The following BAZ1B variants were observed in gnomAD, a reference collection of about 807,000 sequenced individuals.
The protein encoded by BAZ1B is bromodomain adjacent to zinc finger domain 1B.
BAZ1B carries 22 observed loss-of-function variants against 153.8 expected under a neutral mutation model. That is an observed-to-expected ratio of 0.14 (90% CI 0.10 to 0.20). The LOEUF (loss-of-function observed/expected upper bound fraction) is 0.20. Among genes scored for constraint, BAZ1B ranks in the 10% least tolerant of loss-of-function variants. The pLI is 1.00. For missense variants in BAZ1B, 1,325 were observed against 1,799.3 expected, an observed-to-expected ratio of 0.74 and a Z score of 4.77; for synonymous variants, 676 against 633.4, an observed-to-expected ratio of 1.07 and a Z score of -1.01.
At chr7:73,472,338 AACCTCCGCCTGCC>A (rs1250816598) in intron 7 of BAZ1B, among the ~76,000 whole-genome samples, 3 of 151,542 alleles carry the variant, frequency 2.0e-5, no homozygotes, top group African/African-American at 7.3e-5. Flanking sequence ...GCCTCACCGC[AACCTCCGCCTGCC>A]GGGTTCAAGT....
At position 73,508,351 on chromosome 7, in the gene BAZ1B, A is replaced by G. The variant is rs1457439236; in HGVS notation, c.345T>C (p.Ala115=). 2 of 1,613,964 alleles carry G rather than the reference A, an allele frequency of 1.2e-6. No individual in the cohort carries two copies. The highest frequency in any genetic ancestry group is 1.1e-5 in the South Asian group (1 of 91,030). Residue 115 remains alanine (A), a synonymous_variant, in exon 3 of 20, where the codon GCT becomes GCC. Transcript: ENST00000339594. Reference sequence around the variant, plus strand: ...CCTCGAAGTCACACTCTTCTCCCACAGCATATTTGGTCATGATCTCCAACC... The same window carrying G: ...CCTCGAAGTCACACTCTTCTCCCACGGCATATTTGGTCATGATCTCCAACC... ...TAWLEIMTKY[A]VGEECDFEVG... is the part of the protein sequence containing the mutation.
chr7:73,510,611 A>G (rs1790540968), intron 2 of BAZ1B, 125 bp downstream of exon 2: 2 of 899,488 alleles, frequency 2.2e-6, no homozygotes, highest in Non-Finnish European at 1.8e-6. Flanking sequence ...CATACAGTAC[A>G]CTAATGTAAT....
intron 3 of BAZ1B, among the ~76,000 whole-genome samples, chr7:73,505,287 A>ATT (rs1790291526): frequency 6.6e-6 from 1 of 152,118 alleles, no homozygotes; most frequent in South Asian, 2.1e-4. Context: ...ATACAGTCAC[A>ATT]TTTTTTCACA....
intron 3 of BAZ1B, among the ~76,000 whole-genome samples, chr7:73,500,435 A>G (rs1250097697): frequency 6.6e-6 from 1 of 152,074 alleles, no homozygotes; most frequent in Non-Finnish European, 1.5e-5. Context: ...TCCAGCTACT[A>G]GGGAGGCTGA....
chr7:73,470,156 T>C (rs929742552), intron 8 of BAZ1B, among the ~76,000 whole-genome samples, 189 bp downstream of exon 8: 1 of 152,362 alleles, frequency 6.6e-6, no homozygotes, highest in East Asian at 1.9e-4. Flanking sequence ...GGCAGGAATA[T>C]GTCTTACTTA....
chr7:73,483,164 GAA>G (rs1429839023), intron 6 of BAZ1B, among the ~76,000 whole-genome samples: 1 of 152,144 alleles, frequency 6.6e-6, no homozygotes, highest in African/African-American at 2.4e-5. Flanking sequence ...AAGGTTGAAA[GAA>G]AAAGAGAGCG....
rs1789059423 is a variant in BAZ1B at position 73,478,068 on chromosome 7, T to C, written c.1393A>G (p.Ser465Gly). 1 of 1,614,236 alleles carries C rather than the reference T, an allele frequency of 6.2e-7. No individual in the cohort carries two copies. Among genetic ancestry groups the C allele is most frequent in the Non-Finnish European group, 8.5e-7 (1 of 1,180,032 alleles). ...RNSGGTPRTS[S>G]KPHKHLPPAA... ...GGAGGCAGATGTTTATGAGGTTTAC[T>C]AGAGGTCCTAGGTGTACCCCCAGAA... Residue 465 changes from serine to glycine, a missense_variant, in exon 7 of 20, where the codon AGT (serine) becomes GGT (glycine). Ser to Gly is a moderately conservative substitution (Grantham distance 56). Transcript: ENST00000339594.
chr7:73,449,715 A>AT, intron 14 of BAZ1B, 26 bp from the exon 15 acceptor site: 1 of 1,611,852 alleles, frequency 6.2e-7, no homozygotes, highest in Non-Finnish European at 8.5e-7. Context: ...TGTGAATAGC[A>AT]TTGTTGGGAG....
chr7:73,443,615 C>T (rs1251030083), intron 17 of BAZ1B, among the ~76,000 whole-genome samples: 2 of 152,196 alleles, frequency 1.3e-5, no homozygotes, highest in African/African-American at 4.8e-5. Context: ...TAATGTCCCT[C>T]CCATAACAAC....
intron 7 of BAZ1B, among the ~76,000 whole-genome samples, chr7:73,472,402 G>C (rs1788839391): frequency 6.6e-6 from 1 of 152,068 alleles, no homozygotes; most frequent in African/African-American, 2.4e-5. Context: ...GGGATTACAG[G>C]CATGTGTCAC....
At chr7:73,482,480 G>C (rs1789240414) in intron 6 of BAZ1B, among the ~76,000 whole-genome samples, 1 of 152,234 alleles carries the variant, frequency 6.6e-6, no homozygotes, top group South Asian at 2.1e-4. Flanking sequence ...CAGAACAACA[G>C]ATTATATATT....
At chr7:73,490,403 T>A (rs961119703) in intron 5 of BAZ1B, among the ~76,000 whole-genome samples, 69 of 152,158 alleles carry the variant, frequency 4.5e-4, no homozygotes, top group Admixed American at 8.5e-4. Context: ...TACAAAAAAA[T>A]TTTTTTTAAA....
chr7:73,480,616 A>G (rs1394571697), intron 6 of BAZ1B, among the ~76,000 whole-genome samples: 8 of 152,234 alleles, frequency 5.3e-5, no homozygotes, highest in Non-Finnish European at 1.0e-4. Flanking sequence ...AAATCAGCTA[A>G]GTACATCAAT....
chr7:73,508,208 A>T (rs2116447751), intron 3 of BAZ1B, 119 bp downstream of exon 3: 1 of 1,123,226 alleles, frequency 8.9e-7, no homozygotes, highest in Non-Finnish European at 1.2e-6. Context: ...ATTAATACTT[A>T]ACATTAAATA....
At chr7:73,514,090 A>C (rs1790695241) in intron 1 of BAZ1B, among the ~76,000 whole-genome samples, 1 of 152,182 alleles carries the variant, frequency 6.6e-6, no homozygotes, top group Admixed American at 6.6e-5. Context: ...CAAATATCCA[A>C]AATGCTCCAA....
intron 1 of BAZ1B, among the ~76,000 whole-genome samples, chr7:73,519,655 A>G (rs779536291): frequency 3.4e-4 from 52 of 152,212 alleles, no homozygotes; most frequent in Non-Finnish European, 5.4e-4. Context: ...TTCATTCAAT[A>G]ATATGAAAAA....
intron 12 of BAZ1B, among the ~76,000 whole-genome samples, chr7:73,461,557 T>G (rs934441472): frequency 2.6e-5 from 4 of 152,120 alleles, no homozygotes; most frequent in Admixed American, 2.0e-4. Context: ...TAATTCTTTT[T>G]AAAAAAATCA....
intron 13 of BAZ1B, among the ~76,000 whole-genome samples, chr7:73,455,432 G>T (rs1334098665): frequency 1.3e-5 from 2 of 152,076 alleles, no homozygotes; most frequent in Non-Finnish European, 2.9e-5. Context: ...GACAAAAATG[G>T]AGCTGCTAGT....
rs373071913 is a variant in BAZ1B at position 73,472,340 on chromosome 7, C to T, written c.2594-1857G>A. Reference sequence around the variant, plus strand: ...ATGGTATGATCTCGCCTCACCGCAACCTCCGCCTGCCGGGTTCAAGTGATT... The same window carrying T: ...ATGGTATGATCTCGCCTCACCGCAATCTCCGCCTGCCGGGTTCAAGTGATT... On this transcript the variant is annotated intron_variant, in intron 7 of 19. Transcript: ENST00000339594. Among the ~76,000 whole-genome samples, 331 of 152,014 alleles carry T rather than the reference C, an allele frequency of 2.2e-3. 1 individual carries two copies. Among genetic ancestry groups the T allele is most frequent in the Middle Eastern group, 0.02 (6 of 294 alleles).
Sources: allele counts gnomAD v4.1 joint callset (sites outside exome capture counted in the v4.1 genomes callset), GRCh38; gene constraint gnomAD v4.1.1; transcripts MANE v1.5; gene names NCBI Gene and HGNC (gene_info 2026-07-23, HGNC 2026-07-21).